The following THTPA variants were observed in gnomAD, a reference collection of about 807,000 sequenced individuals.
THTPA encodes thiamine-triphosphatase.
A neutral mutation model predicts 16.5 loss-of-function variants in THTPA; 16 were observed. The ratio of observed to expected loss-of-function variants is 0.97; its 90% confidence interval spans 0.66 to 1.47. The LOEUF is 1.47. THTPA is among the 40% of genes most tolerant of loss of function. THTPA has a pLI of 0.00. For missense variants in THTPA, 281 were observed against 280.9 expected (o/e 1.00, Z 0.00); for synonymous variants, 110 against 115.5 (o/e 0.95, Z 0.30).
the THTPA span, chr14:23,527,459 G>A: frequency 1.0e-5 from 11 of 1,089,686 alleles, no homozygotes; most frequent in Non-Finnish European, 1.3e-5. Context: ...TTGTCGGACC[G>A]TCCTCACCCA....
the THTPA span, chr14:23,512,703 A>C: frequency 6.7e-6 from 1 of 150,354 alleles, no homozygotes; most frequent in Non-Finnish European, 1.5e-5. Flanking sequence ...TGCTTTAAAA[A>C]ATATATATGT....
the THTPA span, chr14:23,523,770 C>G: frequency 6.5e-7 from 1 of 1,536,120 alleles, no homozygotes; most frequent in Non-Finnish European, 8.7e-7. This position sits in a 1 kb window ranked among gnomAD's most constrained non-coding sequence, Gnocchi z 4.1. Context: ...TCTGGAACCC[C>G]AGTCCCACCT....
At chr14:23,519,468 A>G in the THTPA span, among the ~76,000 whole-genome samples, 1 of 152,140 alleles carries the variant, frequency 6.6e-6, no homozygotes, top group Non-Finnish European at 1.5e-5. Context: ...ACAGGGAGAG[A>G]GGGGTACAAG....
upstream of THTPA, among the ~76,000 whole-genome samples, chr14:23,551,171 C>T (rs1881916197): frequency 6.6e-6 from 1 of 151,962 alleles, no homozygotes; most frequent in African/African-American, 2.4e-5. The surrounding 1 kb of genome is among the most constrained non-coding windows in gnomAD (Gnocchi z 5.3). Context: ...GTCTGTCCGT[C>T]CGTCCTTGTC....
At chr14:23,555,210 G>A (rs960847063), upstream of THTPA, among the ~76,000 whole-genome samples, 1 of 152,118 alleles carries the variant, frequency 6.6e-6, no homozygotes, top group Non-Finnish European at 1.5e-5. Context: ...TGTTGGCCAG[G>A]CTGGTCTCGA....
At chr14:23,546,838 C>G in the THTPA span, among the ~76,000 whole-genome samples, 3 of 152,350 alleles carry the variant, frequency 2.0e-5, no homozygotes, top group Admixed American at 6.5e-5. This position sits in a 1 kb window ranked among gnomAD's most constrained non-coding sequence, Gnocchi z 4.7. Context: ...CGGTGGCTGA[C>G]AGTGCAACAG....
chr14:23,555,442 C>T (rs1882284218), upstream of THTPA, among the ~76,000 whole-genome samples: 1 of 152,188 alleles, frequency 6.6e-6, no homozygotes, highest in South Asian at 2.1e-4. Context: ...CCTTACGTAC[C>T]ACCCAGGTGC....
At chr14:23,546,090 G>A in the THTPA span, among the ~76,000 whole-genome samples, 2 of 152,146 alleles carry the variant, frequency 1.3e-5, no homozygotes, top group Non-Finnish European at 2.9e-5. This position sits in a 1 kb window ranked among gnomAD's most constrained non-coding sequence, Gnocchi z 4.7. Flanking sequence ...TTAAATTCCT[G>A]CCTACACCCA....
the THTPA span, chr14:23,525,456 T>A: frequency 6.5e-7 from 1 of 1,536,080 alleles, no homozygotes; most frequent in Non-Finnish European, 8.7e-7. This position sits in a 1 kb window ranked among gnomAD's most constrained non-coding sequence, Gnocchi z 5.9. Flanking sequence ...TCGTGTGTCT[T>A]GAGGATAAGC....
chr14:23,547,037 G>A, the THTPA span, among the ~76,000 whole-genome samples: 470 of 152,324 alleles, frequency 3.1e-3, 15 homozygotes, highest in East Asian at 0.07. Context: ...GTGCATGTTT[G>A]TTTTCTATAG....
the THTPA span, chr14:23,521,175 G>C: frequency 6.6e-6 from 1 of 152,458 alleles, no homozygotes; most frequent in Non-Finnish European, 1.5e-5. Flanking sequence ...GTGCAAGGTA[G>C]GGATTGGCAG....
upstream of THTPA, among the ~76,000 whole-genome samples, chr14:23,555,328 C>T (rs1256603630): frequency 6.6e-6 from 1 of 152,124 alleles, no homozygotes; most frequent in Non-Finnish European, 1.5e-5. Flanking sequence ...ATAAGTAGTT[C>T]TACACCTGAC....
chr14:23,540,159 T>G, the THTPA span, among the ~76,000 whole-genome samples: 32 of 152,140 alleles, frequency 2.1e-4, no homozygotes, highest in Middle Eastern at 3.4e-3. Context: ...CCCAGCTAAT[T>G]TTTGTATTTT....
At chr14:23,524,375 C>CT in the THTPA span, 2 of 1,536,232 alleles carry the variant, frequency 1.3e-6, no homozygotes, top group Non-Finnish European at 1.7e-6. This position sits in a 1 kb window ranked among gnomAD's most constrained non-coding sequence, Gnocchi z 5.6. Context: ...GCGCTTGTCC[C>CT]TGGGGGGCTC....
At chr14:23,531,530 T>C in the THTPA span, 2 of 1,508,948 alleles carry the variant, frequency 1.3e-6, no homozygotes, top group Non-Finnish European at 1.8e-6. Context: ...TCTGAAGAGC[T>C]GCGAGTCCTT....
chr14:23,517,427 G>C, the THTPA span, among the ~76,000 whole-genome samples: 2 of 152,176 alleles, frequency 1.3e-5, no homozygotes, highest in Non-Finnish European at 2.9e-5. Context: ...TGGGTCTACA[G>C]ACTTGCTGTA....
At position 23,559,185 on chromosome 14, in the gene THTPA, C is replaced by G. The variant is rs1882957872; in HGVS notation, c.*345C>G. The G allele has an allele frequency of 1.2e-5, 3 of 258,440 alleles. 1 individual carries two copies. The allele number at this position is 258,440 out of a possible 1,614,324, so 16.0% of individuals were successfully genotyped here. ...CCTCCCTTGGTCGATGCCATTGATT[C>G]TGCCAGCGGCTCCTAAACCGCCTTA... On this transcript the variant is annotated 3_prime_UTR_variant, in exon 2 of 2. Coordinates refer to ENST00000288014, the MANE Select transcript of THTPA (RefSeq NM_024328.6).
the THTPA span, chr14:23,534,109 A>G: frequency 6.7e-7 from 1 of 1,491,380 alleles, no homozygotes; most frequent in Non-Finnish European, 8.9e-7. The surrounding 1 kb of genome is among the most constrained non-coding windows in gnomAD (Gnocchi z 4.5). Context: ...GGGGGAGCCC[A>G]CTGGGGCAGG....
chr14:23,534,648 C>T, the THTPA span: 2 of 1,536,198 alleles, frequency 1.3e-6, no homozygotes, highest in Non-Finnish European at 1.7e-6. This position sits in a 1 kb window ranked among gnomAD's most constrained non-coding sequence, Gnocchi z 4.5. Context: ...CCCCGCTGTT[C>T]CCCATGGGGC....
Sources: allele counts gnomAD v4.1 joint callset (sites outside exome capture counted in the v4.1 genomes callset), GRCh38; gene constraint gnomAD v4.1.1; non-coding constraint Gnocchi (gnomAD v3.1); transcripts MANE v1.5; gene names NCBI Gene and HGNC (gene_info 2026-07-23, HGNC 2026-07-21).